Variants in FASN observed in about 807,000 individuals in gnomAD.
FASN encodes fatty acid synthase, also known as 3-hydroxyacyl-[acyl-carrier-protein] dehydratase.
Under a neutral mutation model 250.0 loss-of-function variants are expected in FASN, and 50 were observed. The ratio of observed to expected loss-of-function variants is 0.20; its 90% CI spans 0.16 to 0.25. FASN has a LOEUF of 0.25. FASN is among the 10% of genes least tolerant of loss of function. FASN has a pLI of 1.00. For missense variants in FASN, 3,031 were observed against 3,498.5 expected (o/e 0.87, Z 3.37); for synonymous variants, 1,909 against 1,584.0 (o/e 1.21, Z -4.87).
Position 82,080,034 on chromosome 17 carries a change from T to G in FASN, c.7146+106A>C, listed in dbSNP as rs2033959290. ...GGATCGGCTATTAAAGGGGTGAAGT[T>G]GGGGGGCCTTTAACGCTCTTCGCGT... On this transcript the variant is annotated intron_variant, in intron 41 of 42. Coordinates refer to ENST00000306749, the MANE Select transcript of FASN (RefSeq NM_004104.5). 4.9e-6 allele frequency: 6 copies of G among 1,227,532 alleles called. No homozygotes were observed. The South Asian group carries it at 6.0e-5, about 12-fold the overall frequency. 76.0% of individuals were successfully genotyped at this position (1,227,532 alleles called of 1,614,324 possible).
chr17:82,089,274 G>A lies in FASN; in HGVS notation c.2076C>T (p.Pro692=), dbSNP rs2034160588. The A allele has an allele frequency of 6.2e-7, 1 of 1,612,626 alleles. No homozygotes were observed. The highest frequency in any genetic ancestry group is 1.3e-5 in the African/African-American group (1 of 74,906). ...CCTTCTTGAGCTCCTGCAGCAGTGGGGGTGCGATGGCCTCCATGAAGTAGG... is the reference window on the plus strand; with the variant it reads ...CCTTCTTGAGCTCCTGCAGCAGTGGAGGTGCGATGGCCTCCATGAAGTAGG... ...FHSYFMEAIA[P]PLLQELKKVI... Residue 692 remains proline, a synonymous_variant, in exon 13 of 43, where the codon CCC becomes CCT. Coordinates refer to ENST00000306749, the MANE Select transcript of FASN (RefSeq NM_004104.5).
intron 1 of FASN, chr17:82,097,341 A>G (rs2034320835): frequency 6.6e-6 from 1 of 152,528 alleles, no homozygotes; most frequent in African/African-American, 2.4e-5. Flanking sequence ...CTCCTCCAGC[A>G]TGAGGGCTGG....
In FASN at chr17:82,080,192, G is replaced by A. The variant is rs775705403; in HGVS notation, c.7094C>T (p.Thr2365Met). ...LTPGCEAEAE[T>M]EAICFFVQQF... is the part of the protein sequence containing the mutation. ...CTGCACGAAGAAGCATATGGCCTCC[G>A]TCTCAGCCTCAGCCTCACAGCCTGG... The change falls in exon 41 of 43, where the codon ACG becomes ATG. Residue 2365 changes from threonine to methionine, a missense_variant. Thr to Met is a moderately conservative substitution (Grantham distance 81, BLOSUM62 -1). Transcript: ENST00000306749. 5.0e-6 allele frequency: 8 copies of A among 1,613,212 alleles called. No homozygotes were observed. The highest frequency in any genetic ancestry group is 1.1e-5 in the South Asian group (1 of 91,090).
At chr17:82,089,563 C>T (rs1053064542) in intron 12 of FASN, 69 bp downstream of exon 12, 8 of 1,544,678 alleles carry the variant, frequency 5.2e-6, no homozygotes, top group South Asian at 3.5e-5. Context: ...ACCGTGGCCG[C>T]GTGTCCCTGC....
rs1013640569 is a variant in FASN, at chr17:82,086,699, G to A, written c.3428-141C>T. ...TGAGAAATAGCTGAGGGTTGAGGAA[G>A]GGGCTGCCCACCACTGGGAGGCTGA... On this transcript the variant is annotated intron_variant, in intron 21 of 42. Coordinates refer to ENST00000306749, the MANE Select transcript of FASN (RefSeq NM_004104.5). 5 of 740,876 alleles carry A rather than the reference G, an allele frequency of 6.7e-6. No individual in the cohort carries two copies. In the Admixed American group the frequency reaches 1.0e-4, roughly 15 times the overall value. 45.9% of individuals were successfully genotyped at this position (740,876 alleles called of 1,614,324 possible).
intron 21 of FASN, 92 bp from the exon 22 acceptor site, chr17:82,086,650 C>T: frequency 1.1e-6 from 1 of 940,710 alleles, no homozygotes; most frequent in East Asian, 2.6e-5. Flanking sequence ...CTTCTGGGGC[C>T]ACCACCCCGC....
chr17:82,094,177 C>T, intron 3 of FASN: 3 of 340,268 alleles, frequency 8.8e-6, no homozygotes, highest in Non-Finnish European at 1.7e-5. Flanking sequence ...CTCTCCAGCG[C>T]CAAGGGCAGC....
intron 27 of FASN, 28 bp downstream of exon 27, chr17:82,084,485 C>A (rs748988892): frequency 2.5e-6 from 4 of 1,595,448 alleles, no homozygotes; most frequent in Non-Finnish European, 3.4e-6. Context: ...CGGCCCAGTC[C>A]ACTCCCACGG....
chr17:82,084,197 C>T (rs201139179), intron 28 of FASN, 37 bp downstream of exon 28: 10 of 1,609,312 alleles, frequency 6.2e-6, no homozygotes, highest in Non-Finnish European at 7.6e-6. Flanking sequence ...GGCCGCCATC[C>T]ACGTGGGGCC....
intron 12 of FASN, 24 bp downstream of exon 12, chr17:82,089,608 G>A (rs1361048698): frequency 6.4e-7 from 1 of 1,573,466 alleles, no homozygotes; most frequent in Non-Finnish European, 8.6e-7. Context: ...GGACAGAGGA[G>A]CCCGCCCAGG....
Position 82,082,579 on chromosome 17 carries a change from A to T in FASN, c.5867T>A (p.Ile1956Asn). Residue 1956 changes from isoleucine to asparagine, a missense_variant, in exon 34 of 43, where the codon ATT (isoleucine) becomes AAT (asparagine). Ile to Asn is a moderately radical substitution (Grantham distance 149). Coordinates refer to ENST00000306749, the MANE Select transcript of FASN (RefSeq NM_004104.5). ...ISSLEGARGL[I>N]AEAAQLGPVG... ...GGGCCCAAGCTGCGCCGCCTCGGCA[A>T]TGAGGCCCCGGGCCCCCTCCAGTGA... 1 of 1,609,846 alleles carries T rather than the reference A, an allele frequency of 6.2e-7. No homozygotes were observed. Among genetic ancestry groups the T allele is most frequent in the Non-Finnish European group, 8.5e-7 (1 of 1,179,844 alleles).
At position 82,086,119 on chromosome 17, in the gene FASN, G is replaced by C. The variant is rs996092767; in HGVS notation, c.3732+135C>G. ...GTGGACCGCACAGGACACGTGCACA[G>C]AACCACACAGGGAACTGGCCGGCCC... On this transcript the variant is annotated intron_variant, in intron 22 of 42. Coordinates refer to ENST00000306749, the MANE Select transcript of FASN (RefSeq NM_004104.5). 37 of 1,463,520 alleles carry C rather than the reference G, an allele frequency of 2.5e-5. No homozygotes were observed. The African/African-American group carries it at 4.7e-4, about 19-fold the overall frequency. The allele number at this position is 1,463,520 out of a possible 1,614,324, so 90.7% of individuals were successfully genotyped here. A position where few individuals can be genotyped will look rare whatever the true frequency, so the allele number is the denominator to read the frequency against.
Position 82,083,278 on chromosome 17 carries a change from A to T in FASN, c.5489T>A (p.Val1830Glu), listed in dbSNP as rs758354120. The change falls in exon 32 of 43, where the codon GTG becomes GAG. Residue 1830 changes from valine (V) to glutamate (E), a missense_variant. Coordinates refer to ENST00000306749, the MANE Select transcript of FASN (RefSeq NM_004104.5). Reference sequence around the variant, plus strand: ...GTCCTCCACCTGGGCCCCATGGAACACCGTGCACTTGAGGGGCCGTACCAC... The same window carrying T: ...GTCCTCCACCTGGGCCCCATGGAACTCCGTGCACTTGAGGGGCCGTACCAC... Reference protein sequence around the residue: ...DGVVRPLKCTVFHGAQVEDAF... With the variant: ...DGVVRPLKCTEFHGAQVEDAF... 1.9e-6 allele frequency: 3 copies of T among 1,612,180 alleles called. No homozygotes were observed. The highest frequency in any genetic ancestry group is 2.5e-6 in the Non-Finnish European group (3 of 1,179,902).
intron 1 of FASN, among the ~76,000 whole-genome samples, chr17:82,097,787 C>T (rs920717478): frequency 6.6e-6 from 1 of 152,086 alleles, no homozygotes; most frequent in African/African-American, 2.4e-5. Flanking sequence ...GAGGAGGATG[C>T]GGCGGCGCCT....
intron 27 of FASN, 45 bp downstream of exon 27, chr17:82,084,468 T>C (rs2144787854): frequency 6.3e-7 from 1 of 1,587,120 alleles, no homozygotes. Context: ...CTGGGGTCTC[T>C]GCTCCCCGGC....
rs1346720981 is a variant in FASN, at chr17:82,082,069, C to T, written c.6103G>A (p.Gly2035Ser). 3 of 1,610,382 alleles carry T rather than the reference C, an allele frequency of 1.9e-6. No homozygotes were observed. Among genetic ancestry groups the T allele is most frequent in the East Asian group, 2.2e-5 (1 of 44,886 alleles). The change falls in exon 36 of 43, where the codon GGC (glycine) becomes AGC (serine). Residue 2035 changes from glycine (G) to serine (S), a missense_variant. Coordinates refer to ENST00000306749, the MANE Select transcript of FASN (RefSeq NM_004104.5). ...GRGNAGQSNY[G>S]FANSAMERIC... ...CGCTCCATGGCGGAATTGGCAAAGCCGTAGTTGCTCTGTCCCGCATTGCCA... is the reference window on the plus strand; with the variant it reads ...CGCTCCATGGCGGAATTGGCAAAGCTGTAGTTGCTCTGTCCCGCATTGCCA...
At chr17:82,091,760 C>T (rs548941013) in intron 8 of FASN, 76 bp from the exon 9 acceptor site, 77 of 1,346,496 alleles carry the variant, frequency 5.7e-5, no homozygotes, top group Non-Finnish European at 4.8e-5. Context: ...GGCACCTCCC[C>T]GAGACTCTCA....
rs1171973944 is a variant in FASN, at chr17:82,082,097, C to A, written c.6075G>T (p.Gly2025=). Residue 2025 remains glycine, a synonymous_variant, in exon 36 of 43, where the codon GGG becomes GGT. Coordinates refer to ENST00000306749, the MANE Select transcript of FASN (RefSeq NM_004104.5). ...AGTTGCTCTGTCCCGCATTGCCACG[C>A]CCGCAGCTCACAGAGGAGAAGACCA... The part of the protein sequence containing the change: ...YFVVFSSVSC[G]RGNAGQSNYG... 1 of 1,609,356 alleles carries A rather than the reference C, an allele frequency of 6.2e-7. No homozygotes were observed. The highest frequency in any genetic ancestry group is 8.5e-7 in the Non-Finnish European group (1 of 1,179,976).
Position 82,081,756 on chromosome 17 carries a change from A to G in FASN, c.6251T>C (p.Leu2084Pro). ...STNDTIVSGT[L>P]PQRMASCLEV... ...CAGGCAGGACGCCATGCGCTGGGGC[A>G]GCGTGCCACTGACGATCGTGTCGTT... is the stretch of plus-strand genomic sequence containing the variant. The change falls in exon 37 of 43, where the codon CTG (leucine) becomes CCG (proline). Residue 2084 changes from leucine to proline, a missense_variant. Coordinates refer to ENST00000306749, the MANE Select transcript of FASN (RefSeq NM_004104.5). 1 of 1,612,746 alleles carries G rather than the reference A, an allele frequency of 6.2e-7. No homozygotes were observed. The highest frequency in any genetic ancestry group is 8.5e-7 in the Non-Finnish European group (1 of 1,180,006).
Sources: gnomAD v4.1 joint callset for allele counts (sites outside exome capture counted in the v4.1 genomes callset) on GRCh38, gnomAD v4.1.1 for gene constraint, MANE v1.5 for transcripts, NCBI Gene and HGNC (gene_info 2026-07-23, HGNC 2026-07-21) for gene names.